Variants in FBXO28 observed in about 807,000 individuals in gnomAD.
The protein encoded by FBXO28 is F-box only protein 28.
FBXO28 carries 8 observed loss-of-function variants against 38.1 expected under a neutral mutation model. The observed-to-expected ratio is 0.21, with a 90% CI of 0.12 to 0.38. FBXO28 has a LOEUF of 0.38. Among genes scored for constraint, FBXO28 ranks in the 10% least tolerant of loss-of-function variants. The pLI is 1.00. For missense variants in FBXO28, 345 were observed against 460.6 expected, an observed-to-expected ratio of 0.75 and a Z score of 2.30; for synonymous variants, 168 against 173.8, an observed-to-expected ratio of 0.97 and a Z score of 0.26.
intron 3 of FBXO28, among the ~76,000 whole-genome samples, chr1:224,149,222 A>G (rs368093125): frequency 4.6e-5 from 7 of 152,114 alleles, no homozygotes; most frequent in Admixed American, 1.3e-4. Flanking sequence ...CTTGTTTACA[A>G]TGACCTTTGT....
intron 3 of FBXO28, among the ~76,000 whole-genome samples, chr1:224,149,993 A>G (rs918164798): frequency 6.6e-6 from 1 of 152,254 alleles, no homozygotes; most frequent in African/African-American, 2.4e-5. Flanking sequence ...GTTTGTATCT[A>G]TAGATGCAAC....
chr1:224,144,541 C>T lies in FBXO28; in HGVS notation c.517-8601C>T, dbSNP rs568683777. On this transcript the variant is annotated intron_variant, in intron 3 of 4. Coordinates refer to ENST00000366862, the MANE Select transcript of FBXO28 (RefSeq NM_015176.4). ...TTGGGAGGCGGAGGTGTGTGGATCA[C>T]GAGGTCAAGAGATCGGGACCATCCT... Among the ~76,000 whole-genome samples the T allele has an allele frequency of 3.9e-5, 6 of 152,090 alleles. No individual in the cohort carries two copies. The South Asian group carries it at 6.2e-4, about 16-fold the overall frequency.
At chr1:224,133,863 T>G (rs762242229) in intron 2 of FBXO28, among the ~76,000 whole-genome samples, 1 of 151,952 alleles carries the variant, frequency 6.6e-6, no homozygotes, top group Non-Finnish European at 1.5e-5. Context: ...TTTTGTTTGT[T>G]TTCAAATATT....
intron 3 of FBXO28, among the ~76,000 whole-genome samples, chr1:224,143,330 C>CT (rs1055167587): frequency 1.3e-4 from 20 of 152,248 alleles, no homozygotes; most frequent in African/African-American, 3.6e-4. Context: ...TCTGGGCACT[C>CT]TGACTTCCTC....
intron 1 of FBXO28, among the ~76,000 whole-genome samples, chr1:224,128,809 C>G (rs910909604): frequency 5.3e-5 from 8 of 151,796 alleles, no homozygotes; most frequent in African/African-American, 1.9e-4. Context: ...AACATAGACC[C>G]CCATCTCTAC....
intron 2 of FBXO28, among the ~76,000 whole-genome samples, chr1:224,132,701 AG>A (rs1432810825): frequency 6.6e-6 from 1 of 151,778 alleles, no homozygotes; most frequent in Non-Finnish European, 1.5e-5. Context: ...GCTTCTTAGG[AG>A]GCTGAGGCAG....
At chr1:224,155,273 C>T (rs957492839) in intron 4 of FBXO28, among the ~76,000 whole-genome samples, 1 of 152,054 alleles carries the variant, frequency 6.6e-6, no homozygotes, top group Non-Finnish European at 1.5e-5. Flanking sequence ...TCAAGCAATT[C>T]TCCCGCCTCA....
At chr1:224,136,364 C>G (rs923346168) in intron 3 of FBXO28, among the ~76,000 whole-genome samples, 1 of 151,922 alleles carries the variant, frequency 6.6e-6, no homozygotes, top group Non-Finnish European at 1.5e-5. Flanking sequence ...ATATAATCTT[C>G]ATTTAATATA....
At chr1:224,136,101 G>GTTTTTT (rs397982996) in intron 3 of FBXO28, among the ~76,000 whole-genome samples, 6,808 of 74,924 alleles carry the variant, frequency 0.091, 1,885 homozygotes, top group South Asian at 0.14. Context: ...GTTGACTTCA[G>GTTTTTT]TTTTTTTTTT....
Position 224,157,729 on chromosome 1 carries a change from C to G in FBXO28, c.1090C>G (p.Leu364Val). ...AGACTCTCTTAGGAAATCTAAACGT[C>G]TTCGGAATAGAAAGTAAATTGGAAT... ...AIDSLRKSKR[L>V]RNRK is the part of the protein sequence containing the mutation. The change falls in exon 5 of 5, where the codon CTT becomes GTT. Residue 364 changes from leucine (L) to valine (V), a missense_variant. Physicochemically the swap from Leu to Val is conservative, Grantham distance 32 (BLOSUM62 1). This residue lies in a region of FBXO28 where 151 missense variants were observed against 188.3 expected (regional missense o/e 0.80). Transcript: ENST00000366862. 1 of 1,601,030 alleles carries G rather than the reference C, an allele frequency of 6.2e-7. No homozygotes were observed. The highest frequency in any genetic ancestry group is 8.5e-7 in the Non-Finnish European group (1 of 1,175,418).
At chr1:224,129,947 G>T (rs1031787188) in intron 1 of FBXO28, among the ~76,000 whole-genome samples, 1 of 151,810 alleles carries the variant, frequency 6.6e-6, no homozygotes, top group African/African-American at 2.4e-5. Context: ...CTAAGATCGC[G>T]CCACTGCGCT....
chr1:224,134,044 G>T, intron 2 of FBXO28, 30 bp from the exon 3 acceptor site: 2 of 1,447,770 alleles, frequency 1.4e-6, no homozygotes, highest in Non-Finnish European at 9.1e-7. Context: ...TTTAATGGTT[G>T]CCTTGCTTTT....
At position 224,119,323 on chromosome 1, in the gene FBXO28, G is replaced by A. The variant is rs1175282960; in HGVS notation, c.267+4927G>A. Among the ~76,000 whole-genome samples the A allele has an allele frequency of 2.0e-5, 3 of 150,394 alleles. No individual in the cohort carries two copies. The East Asian group carries it at 5.9e-4, about 29-fold the overall frequency. On this transcript the variant is annotated intron_variant, in intron 1 of 4. Coordinates refer to ENST00000366862, the MANE Select transcript of FBXO28 (RefSeq NM_015176.4). ...TAATTTTTTTTTTTTATTTTTAGTA[G>A]AGACGGGGTTTCACCGTGTTAGCCA...
chr1:224,139,349 A>G (rs938824623), intron 3 of FBXO28, among the ~76,000 whole-genome samples: 7 of 151,760 alleles, frequency 4.6e-5, no homozygotes, highest in Non-Finnish European at 8.8e-5. Context: ...TTTCAAGTTT[A>G]CACAAAAATT....
chr1:224,125,642 CTTT>C (rs1270361956), intron 1 of FBXO28, among the ~76,000 whole-genome samples: 3 of 140,712 alleles, frequency 2.1e-5, no homozygotes, highest in Non-Finnish European at 1.6e-5. Flanking sequence ...TACTCATTCT[CTTT>C]TTTTTTTTTT....
intron 3 of FBXO28, among the ~76,000 whole-genome samples, chr1:224,152,188 C>T (rs1657663803): frequency 6.6e-6 from 1 of 151,880 alleles, no homozygotes; most frequent in East Asian, 1.9e-4. Context: ...GGTGTTCTCC[C>T]CATTACAATT....
At chr1:224,130,782 A>AT (rs1221205078) in intron 2 of FBXO28, 1 of 457,486 alleles carries the variant, frequency 2.2e-6, no homozygotes, top group African/African-American at 2.0e-5. Flanking sequence ...AGCCAGAGAA[A>AT]TTAGGCAAGA....
At chr1:224,133,302 A>G (rs1374783726) in intron 2 of FBXO28, among the ~76,000 whole-genome samples, 2 of 152,214 alleles carry the variant, frequency 1.3e-5, no homozygotes, top group African/African-American at 2.4e-5. Flanking sequence ...TAGTTGTACA[A>G]TCCTGTGAGT....
At chr1:224,134,951 G>A (rs930071044) in intron 3 of FBXO28, among the ~76,000 whole-genome samples, 1 of 152,102 alleles carries the variant, frequency 6.6e-6, no homozygotes, top group African/African-American at 2.4e-5. Context: ...AAATCTGAAT[G>A]TTCGCTTTTT....
Sources: allele counts gnomAD v4.1 joint callset (sites outside exome capture counted in the v4.1 genomes callset), GRCh38; gene constraint gnomAD v4.1.1; regional missense constraint gnomAD v4.1.1; transcripts MANE v1.5; gene names NCBI Gene and HGNC (gene_info 2026-07-23, HGNC 2026-07-21).